The following SYN3 variants were observed in gnomAD, a reference collection of about 807,000 sequenced individuals.
SYN3 encodes synapsin III, also known as synapsin-3.
Under a neutral mutation model 65.8 loss-of-function variants are expected in SYN3, and 35 were observed. That is an observed-to-expected ratio of 0.53 (90% confidence interval 0.41 to 0.70). SYN3 has a LOEUF of 0.70. Among genes scored for constraint, SYN3 ranks in the 30% least tolerant of loss-of-function variants. The pLI, the probability that SYN3 is intolerant of heterozygous loss-of-function variation, is 0.00. For synonymous variants in SYN3, 270 were observed against 292.9 expected (o/e 0.92, Z 0.80); for missense variants, 680 against 749.0 (o/e 0.91, Z 1.08).
At chr22:32,642,225 G>T (rs1029677025) in intron 6 of SYN3, among the ~76,000 whole-genome samples, 5 of 151,280 alleles carry the variant, frequency 3.3e-5, no homozygotes, top group Admixed American at 6.6e-5. Context: ...GGAGACGGAG[G>T]TTGCAGTGAG....
intron 6 of SYN3, among the ~76,000 whole-genome samples, chr22:32,627,164 C>G (rs527310884): frequency 1.1e-4 from 15 of 142,644 alleles, no homozygotes; most frequent in African/African-American, 3.8e-4. Flanking sequence ...GGGCGGGTAA[C>G]TTCCTGCAAC....
At chr22:32,518,612 G>T in intron 12 of SYN3, 1 of 554,924 alleles carries the variant, frequency 1.8e-6, no homozygotes, top group Non-Finnish European at 3.3e-6. Flanking sequence ...TTATACTGCT[G>T]AACAAAATAG....
At chr22:32,850,211 C>A (rs2048180702) in intron 6 of SYN3, among the ~76,000 whole-genome samples, 1 of 151,638 alleles carries the variant, frequency 6.6e-6, no homozygotes, top group African/African-American at 2.4e-5. Flanking sequence ...AAAAAGAACA[C>A]CAGATTTGAA....
rs976444441 is a variant in SYN3, at chr22:32,954,258, G to A, written c.370-22777C>T. Among the ~76,000 whole-genome samples, 7 of 152,304 alleles carry A rather than the reference G, an allele frequency of 4.6e-5. 1 individual carries two copies. In the South Asian group the frequency reaches 1.5e-3, roughly 32 times the overall value. On this transcript the variant is annotated intron_variant, in intron 3 of 13. Transcript: ENST00000358763. ...AATAATGTCCCTAGGACAGGAAGGAGGTTCATCGAAGGGGAGAAAAAGGGG... is the reference window on the plus strand; with the variant it reads ...AATAATGTCCCTAGGACAGGAAGGAAGTTCATCGAAGGGGAGAAAAAGGGG...
chr22:32,911,873 C>T (rs1187903262), intron 4 of SYN3, among the ~76,000 whole-genome samples: 2 of 152,136 alleles, frequency 1.3e-5, no homozygotes, highest in Non-Finnish European at 2.9e-5. Flanking sequence ...ACACCCACTC[C>T]GACGTCAGAA....
intron 10 of SYN3, among the ~76,000 whole-genome samples, chr22:32,529,864 C>T (rs1227505560): frequency 2.0e-5 from 3 of 152,196 alleles, no homozygotes; most frequent in African/African-American, 4.8e-5. Flanking sequence ...CCTGTTCCCA[C>T]GCTCTGGACA....
chr22:32,743,151 C>T (rs1055049454), intron 6 of SYN3, among the ~76,000 whole-genome samples: 5 of 152,140 alleles, frequency 3.3e-5, no homozygotes, highest in African/African-American at 1.2e-4. Context: ...ATTTCAGTTA[C>T]CCCCTGAGTG....
intron 6 of SYN3, among the ~76,000 whole-genome samples, chr22:32,603,264 G>A (rs2059311462): frequency 6.6e-6 from 1 of 151,330 alleles, no homozygotes; most frequent in South Asian, 2.1e-4. Flanking sequence ...TGTAATCCCA[G>A]CACTTTGGCA....
intron 6 of SYN3, chr22:32,861,212 G>A (rs550547187): frequency 6.6e-6 from 1 of 152,220 alleles, no homozygotes; most frequent in East Asian, 1.9e-4. Flanking sequence ...ACACTGTAGA[G>A]TCTTGCACAC....
Position 32,507,878 on chromosome 22 carries a change from C to A in SYN3, c.*5814G>T, listed in dbSNP as rs775950724. Reference sequence around the variant, plus strand: ...TTCTTCTAACATCCCCACAATATCACCCCTTACCACGAGACCTCCCTTCAG... The same window carrying A: ...TTCTTCTAACATCCCCACAATATCAACCCTTACCACGAGACCTCCCTTCAG... On this transcript the variant is annotated 3_prime_UTR_variant, in exon 14 of 14. Coordinates refer to ENST00000358763, the MANE Select transcript of SYN3 (RefSeq NM_003490.4). Among the ~76,000 whole-genome samples, 13 of 152,058 alleles carry A rather than the reference C, an allele frequency of 8.5e-5. No homozygotes were observed. Among genetic ancestry groups the A allele is most frequent in the Non-Finnish European group, 1.2e-4 (8 of 68,030 alleles).
At position 32,702,047 on chromosome 22, in the gene SYN3, C is replaced by T. The variant is rs1292041929; in HGVS notation, c.712-105311G>A. ...ATTTATTTTCAATATTTTGGTAACA[C>T]ATAATAGATATGGACAATGTAGACA... On this transcript the variant is annotated intron_variant, in intron 6 of 13. Transcript: ENST00000358763. Among the ~76,000 whole-genome samples, 16 of 152,162 alleles carry T rather than the reference C, an allele frequency of 1.1e-4. No homozygotes were observed. The East Asian group carries it at 3.1e-3, about 29-fold the overall frequency.
intron 4 of SYN3, among the ~76,000 whole-genome samples, chr22:32,873,819 A>AG (rs1387946631): frequency 1.3e-5 from 2 of 152,134 alleles, no homozygotes; most frequent in African/African-American, 4.8e-5. Flanking sequence ...GAGGGAGGCA[A>AG]GACACCTGTC....
intron 2 of SYN3, among the ~76,000 whole-genome samples, chr22:33,003,379 C>T (rs554118696): frequency 5.3e-5 from 8 of 152,230 alleles, no homozygotes; most frequent in South Asian, 2.1e-4. Flanking sequence ...GACAAGAAGA[C>T]GTGGGAAAGT....
intron 7 of SYN3, among the ~76,000 whole-genome samples, chr22:32,545,363 T>C (rs2058321754): frequency 6.6e-6 from 1 of 152,214 alleles, no homozygotes; most frequent in African/African-American, 2.4e-5. Flanking sequence ...AAGTAAATTT[T>C]TGTGGAATAC....
intron 7 of SYN3, among the ~76,000 whole-genome samples, chr22:32,579,914 C>T (rs900360081): frequency 4.6e-5 from 7 of 152,166 alleles, no homozygotes; most frequent in African/African-American, 9.7e-5. Flanking sequence ...TCATATAAAC[C>T]ACATGTTTAT....
At chr22:32,888,224 A>C (rs2049348024) in intron 4 of SYN3, among the ~76,000 whole-genome samples, 2 of 152,202 alleles carry the variant, frequency 1.3e-5, no homozygotes, top group Admixed American at 1.3e-4. Context: ...AGTAGACACT[A>C]AATAAGATAT....
chr22:32,738,668 G>C (rs549684520), intron 6 of SYN3, among the ~76,000 whole-genome samples: 1 of 152,290 alleles, frequency 6.6e-6, no homozygotes, highest in Admixed American at 6.5e-5. Flanking sequence ...TGCATGAGTA[G>C]GAATTTGCCA....
At chr22:32,647,520 C>T (rs746035808) in intron 6 of SYN3, among the ~76,000 whole-genome samples, 18 of 151,466 alleles carry the variant, frequency 1.2e-4, no homozygotes, top group Non-Finnish European at 2.2e-4. Flanking sequence ...GATCATGGCT[C>T]ACTGCAGCCT....
chr22:32,542,932 C>T (rs1569022232), intron 7 of SYN3, among the ~76,000 whole-genome samples: 2 of 152,060 alleles, frequency 1.3e-5, no homozygotes, highest in South Asian at 4.1e-4. Context: ...TGTCCAGAAG[C>T]GGCTCCCCAC....
Sources: gnomAD v4.1 joint callset for allele counts (sites outside exome capture counted in the v4.1 genomes callset) on GRCh38, gnomAD v4.1.1 for gene constraint, MANE v1.5 for transcripts, NCBI Gene and HGNC (gene_info 2026-07-23, HGNC 2026-07-21) for gene names.